The following ZNF609 variants were observed in gnomAD, a reference collection of about 807,000 sequenced individuals.
The protein encoded by ZNF609 is zinc finger protein 609.
In ZNF609, 11 loss-of-function variants were observed where a neutral mutation model predicts 109.5. The observed-to-expected ratio is 0.10, with a 90% confidence interval of 0.06 to 0.17. ZNF609 has a LOEUF of 0.17. Ranked by LOEUF, ZNF609 falls within the 10% of genes least tolerant of loss-of-function variation. ZNF609 has a pLI of 1.00. For missense variants in ZNF609, 1,559 were observed against 1,772.4 expected, an observed-to-expected ratio of 0.88 and a Z score of 2.16; for synonymous variants, 646 against 662.0, an observed-to-expected ratio of 0.98 and a Z score of 0.37.
intron 7 of ZNF609, 98 bp downstream of exon 7, chr15:64,680,458 T>G: frequency 6.8e-7 from 1 of 1,481,478 alleles, no homozygotes; most frequent in Non-Finnish European, 9.2e-7. Flanking sequence ...CTGACCACAG[T>G]GCAGCTTGGC....
At chr15:64,478,415 G>C (rs1302307406) in intron 1 of ZNF609, among the ~76,000 whole-genome samples, 2 of 152,016 alleles carry the variant, frequency 1.3e-5, no homozygotes, top group East Asian at 3.9e-4. Flanking sequence ...CTGTTGCCCA[G>C]GCTGTGGTGC....
intron 2 of ZNF609, among the ~76,000 whole-genome samples, chr15:64,609,130 T>TTTTCTTTCTTTCTTTCTTTC (rs1895671465): frequency 1.2e-5 from 1 of 84,120 alleles, no homozygotes; most frequent in Non-Finnish European, 2.4e-5. Context: ...CTTTCTTTCT[T>TTTTCTTTCTTTCTTTCTTTC]TTTTTCTTTC....
At position 64,551,121 on chromosome 15, in the gene ZNF609, T is replaced by C. The variant is rs962871117; in HGVS notation, c.747+50955T>C. Among the ~76,000 whole-genome samples the C allele has an allele frequency of 9.9e-5, 15 of 152,208 alleles. No homozygotes were observed. In the East Asian group the frequency reaches 2.9e-3, roughly 29 times the overall value. ...TTTGTTTTGAGGTGAAGTCTCACTA[T>C]GTTGCCCAGGCTGGACTCACAACTC... is the stretch of plus-strand genomic sequence containing the variant. On this transcript the variant is annotated intron_variant, in intron 2 of 9. Coordinates refer to ENST00000326648, the MANE Select transcript of ZNF609 (RefSeq NM_015042.2).
At chr15:64,540,100 A>G (rs926313722) in intron 2 of ZNF609, among the ~76,000 whole-genome samples, 1 of 152,154 alleles carries the variant, frequency 6.6e-6, no homozygotes, top group Non-Finnish European at 1.5e-5. Context: ...CTGGATTATG[A>G]TGTTAGCCCG....
rs71133443 is a variant in ZNF609 at position 64,574,171 on chromosome 15, ATTTTTTTTTTT to A, written c.748-48641_748-48631del. On this transcript the variant is annotated intron_variant, in intron 2 of 9. Transcript: ENST00000326648. Reference sequence around the variant, plus strand: ...AGCTTTTATTTCTCTTTCATGCTGGATTTTTTTTTTTTTTTTTTTTTTTTTGGCACCCACAC... The same window carrying A: ...AGCTTTTATTTCTCTTTCATGCTGGATTTTTTTTTTTTTTGGCACCCACAC... 2.2e-4 allele frequency among the ~76,000 whole-genome samples: 20 copies of A among 91,092 alleles called. 1 individual carries two copies. Among genetic ancestry groups the A allele is most frequent in the African/African-American group, 8.7e-4 (17 of 19,554 alleles). The allele number at this position is 91,092 out of a possible 152,430, so 59.8% of individuals were successfully genotyped here. A position where few individuals can be genotyped will look rare whatever the true frequency, so the allele number is the denominator to read the frequency against.
At chr15:64,493,148 G>A (rs1893437389) in intron 1 of ZNF609, among the ~76,000 whole-genome samples, 1 of 152,034 alleles carries the variant, frequency 6.6e-6, no homozygotes, top group African/African-American at 2.4e-5. Context: ...AAAGGAATTG[G>A]CTCTTTGAAG....
intron 1 of ZNF609, among the ~76,000 whole-genome samples, chr15:64,478,711 T>C (rs905149470): frequency 2.0e-5 from 3 of 152,132 alleles, no homozygotes; most frequent in Non-Finnish European, 2.9e-5. Flanking sequence ...CTCAGATCCA[T>C]ACTAAGGAAA....
chr15:64,595,001 CAAAAAAAAAA>C (rs545783193), intron 2 of ZNF609, among the ~76,000 whole-genome samples: 8 of 66,968 alleles, frequency 1.2e-4, no homozygotes, highest in African/African-American at 4.1e-4. Context: ...GGCTCCGTCT[CAAAAAAAAAA>C]AAAAAGAAAA....
chr15:64,658,322 C>T (rs768372038), intron 3 of ZNF609, among the ~76,000 whole-genome samples: 5 of 152,118 alleles, frequency 3.3e-5, no homozygotes, highest in Admixed American at 6.6e-5. Context: ...CTCAGCCTCC[C>T]GAGTAGCTGG....
At chr15:64,485,979 G>C (rs1036904266) in intron 1 of ZNF609, among the ~76,000 whole-genome samples, 1 of 152,030 alleles carries the variant, frequency 6.6e-6, no homozygotes, top group African/African-American at 2.4e-5. Flanking sequence ...GTTCTGTGCA[G>C]ACTTAATCAC....
chr15:64,550,245 GTGCCCAGCTGTGTATCTTCTTT>G (rs1296865711), intron 2 of ZNF609, among the ~76,000 whole-genome samples: 4 of 152,144 alleles, frequency 2.6e-5, no homozygotes, highest in Admixed American at 2.6e-4. Context: ...ATGAGCTGCT[GTGCCCAGCTGTGTATCTTCTTT>G]GTAGAAATAT....
intron 2 of ZNF609, among the ~76,000 whole-genome samples, chr15:64,585,738 ATTAC>A (rs1313113503): frequency 6.6e-6 from 1 of 152,182 alleles, no homozygotes; most frequent in Non-Finnish European, 1.5e-5. Flanking sequence ...GCATGACTTT[ATTAC>A]TTCAGCATTC....
At chr15:64,668,915 G>A (rs1898407522) in intron 3 of ZNF609, among the ~76,000 whole-genome samples, 1 of 123,788 alleles carries the variant, frequency 8.1e-6, no homozygotes, top group Non-Finnish European at 1.6e-5. Context: ...TCACACCATT[G>A]CACTCCAGCC....
At chr15:64,664,756 C>T (rs1451458466) in intron 3 of ZNF609, among the ~76,000 whole-genome samples, 2 of 152,192 alleles carry the variant, frequency 1.3e-5, no homozygotes, top group Non-Finnish European at 2.9e-5. Context: ...TTTTTCTCTT[C>T]CCTTCTCCCA....
At chr15:64,495,231 T>G (rs1402316989) in intron 1 of ZNF609, among the ~76,000 whole-genome samples, 1 of 152,244 alleles carries the variant, frequency 6.6e-6, no homozygotes, top group Non-Finnish European at 1.5e-5. Flanking sequence ...TTGAGGTACA[T>G]TATCAAAGTA....
At chr15:64,535,921 T>G (rs369591614) in intron 2 of ZNF609, among the ~76,000 whole-genome samples, 16 of 152,222 alleles carry the variant, frequency 1.1e-4, no homozygotes, top group African/African-American at 3.6e-4. Context: ...GTGTATTCTC[T>G]TCAGTGAATC....
rs545293656 is a variant in ZNF609 at position 64,510,319 on chromosome 15, C to T, written c.747+10153C>T. The stretch of plus-strand genomic sequence containing the variant: ...TCCTGGCCTCAAGTGGTCTTCCTGC[C>T]TCAGCCTCCCGAGTAGCAGGGACTG... On this transcript the variant is annotated intron_variant, in intron 2 of 9. Transcript: ENST00000326648. 2.6e-5 allele frequency among the ~76,000 whole-genome samples: 4 copies of T among 152,022 alleles called. No individual in the cohort carries two copies. In the South Asian group the frequency reaches 8.3e-4, roughly 32 times the overall value.
At chr15:64,586,939 A>C (rs935866340) in intron 2 of ZNF609, among the ~76,000 whole-genome samples, 1 of 152,174 alleles carries the variant, frequency 6.6e-6, no homozygotes, top group Non-Finnish European at 1.5e-5. Context: ...CTTGTCTTTT[A>C]TCTCCAGAAT....
intron 3 of ZNF609, among the ~76,000 whole-genome samples, chr15:64,649,291 TGTCA>T (rs1896380645): frequency 6.6e-6 from 1 of 152,154 alleles, no homozygotes; most frequent in Non-Finnish European, 1.5e-5. Flanking sequence ...TATAGGATGT[TGTCA>T]GTTAGGCTTA....
Sources: allele counts gnomAD v4.1 joint callset (sites outside exome capture counted in the v4.1 genomes callset), GRCh38; gene constraint gnomAD v4.1.1; transcripts MANE v1.5; gene names NCBI Gene and HGNC (gene_info 2026-07-23, HGNC 2026-07-21).